The following ENTREP2 variants were observed in gnomAD, a reference collection of about 807,000 sequenced individuals.
ENTREP2 encodes the protein endosomal transmembrane epsin interactor 2, also known as protein ENTREP2.
At chr15:29,484,392 G>T in the ENTREP2 span, among the ~76,000 whole-genome samples, 5 of 152,148 alleles carry the variant, frequency 3.3e-5, no homozygotes, top group African/African-American at 1.2e-4. Context: ...GCTAGTTCTG[G>T]AGGGCCAGGA....
the ENTREP2 span, among the ~76,000 whole-genome samples, chr15:29,418,604 T>C: frequency 6.6e-6 from 1 of 152,146 alleles, no homozygotes; most frequent in Admixed American, 6.5e-5. Flanking sequence ...CGCTTCCAGG[T>C]CGGATGGAGT....
chr15:29,328,365 T>C, the ENTREP2 span, among the ~76,000 whole-genome samples: 1 of 152,192 alleles, frequency 6.6e-6, no homozygotes, highest in Admixed American at 6.5e-5. Context: ...TGACTATGCA[T>C]TTGTCAAAAC....
the ENTREP2 span, among the ~76,000 whole-genome samples, chr15:29,459,403 A>AG: frequency 6.6e-6 from 1 of 152,178 alleles, no homozygotes; most frequent in Admixed American, 6.5e-5. Flanking sequence ...CCCTGAGGAC[A>AG]GGCACTCTTC....
the ENTREP2 span, among the ~76,000 whole-genome samples, chr15:29,169,219 C>T: frequency 6.6e-6 from 1 of 152,108 alleles, no homozygotes; most frequent in African/African-American, 2.4e-5. Flanking sequence ...GAGCCTCTAG[C>T]TTTAAAACAA....
At chr15:29,119,056 C>A in the ENTREP2 span, among the ~76,000 whole-genome samples, 1 of 152,120 alleles carries the variant, frequency 6.6e-6, no homozygotes, top group South Asian at 2.1e-4. Context: ...CACCTAGCCG[C>A]CCAGAGGGTG....
the ENTREP2 span, among the ~76,000 whole-genome samples, chr15:29,153,345 C>T: frequency 6.6e-6 from 1 of 152,184 alleles, no homozygotes; most frequent in African/African-American, 2.4e-5. Context: ...TCACTTCTCA[C>T]AGTCCTGAAG....
chr15:29,443,170 A>G, the ENTREP2 span, among the ~76,000 whole-genome samples: 3 of 152,180 alleles, frequency 2.0e-5, no homozygotes, highest in Non-Finnish European at 4.4e-5. Flanking sequence ...TACATTTGTC[A>G]CCACTCCTGT....
At chr15:29,407,822 C>T in the ENTREP2 span, among the ~76,000 whole-genome samples, 1 of 151,070 alleles carries the variant, frequency 6.6e-6, no homozygotes, top group South Asian at 2.1e-4. Context: ...CCCACCAGCA[C>T]ACCCCACTAA....
the ENTREP2 span, among the ~76,000 whole-genome samples, chr15:29,432,593 G>A: frequency 2.1e-3 from 319 of 152,282 alleles, 2 homozygotes; most frequent in African/African-American, 7.3e-3. Flanking sequence ...AGGACCCTGG[G>A]TCCCCAGTGC....
chr15:29,377,168 T>C, the ENTREP2 span, among the ~76,000 whole-genome samples: 8 of 152,116 alleles, frequency 5.3e-5, no homozygotes, highest in Non-Finnish European at 1.2e-4. Flanking sequence ...GGAGCTTTTA[T>C]TTTAAAAATC....
At chr15:29,361,125 C>T in the ENTREP2 span, among the ~76,000 whole-genome samples, 5 of 152,220 alleles carry the variant, frequency 3.3e-5, no homozygotes, top group African/African-American at 7.2e-5. Flanking sequence ...CCCGCCCAAA[C>T]TCCACCCATC....
At chr15:29,400,818 TAGA>T in the ENTREP2 span, among the ~76,000 whole-genome samples, 3 of 152,234 alleles carry the variant, frequency 2.0e-5, no homozygotes, top group Non-Finnish European at 4.4e-5. Flanking sequence ...GCATCTGCAT[TAGA>T]AGAACAAGTC....
At chr15:29,405,013 T>C in the ENTREP2 span, among the ~76,000 whole-genome samples, 3 of 152,106 alleles carry the variant, frequency 2.0e-5, no homozygotes, top group African/African-American at 4.8e-5. Context: ...GGAGAGCTAC[T>C]GTAAGAGCCC....
the ENTREP2 span, among the ~76,000 whole-genome samples, chr15:29,209,272 T>G: frequency 6.6e-6 from 1 of 152,054 alleles, no homozygotes; most frequent in Non-Finnish European, 1.5e-5. Flanking sequence ...GAGGCCAAGG[T>G]GGGCAGACTG....
At chr15:29,312,334 C>CA in the ENTREP2 span, among the ~76,000 whole-genome samples, 9,147 of 143,480 alleles carry the variant, frequency 0.064, 339 homozygotes, top group African/African-American at 0.11. Context: ...AAACAAGCAC[C>CA]AAAAAAAAAA....
the ENTREP2 span, among the ~76,000 whole-genome samples, chr15:29,428,152 A>G: frequency 0.7 from 107,158 of 152,084 alleles, 37,909 homozygotes; most frequent in South Asian, 0.87. Flanking sequence ...AGCCAAGTCC[A>G]CTTTCCACAG....
At chr15:29,499,641 G>C in the ENTREP2 span, among the ~76,000 whole-genome samples, 1 of 151,812 alleles carries the variant, frequency 6.6e-6, no homozygotes, top group African/African-American at 2.4e-5. Context: ...CTCTCAAAGT[G>C]CTGAGATTAC....
the ENTREP2 span, among the ~76,000 whole-genome samples, chr15:29,321,085 G>C: frequency 6.6e-6 from 1 of 151,860 alleles, no homozygotes; most frequent in Non-Finnish European, 1.5e-5. Context: ...CCCCAAACCA[G>C]AGATCAAAGA....
chr15:29,423,631 CAAA>C, the ENTREP2 span, among the ~76,000 whole-genome samples: 947 of 139,390 alleles, frequency 6.8e-3, 18 homozygotes, highest in African/African-American at 0.023. Flanking sequence ...ACTAAAAATA[CAAA>C]AAAAAAAAAA....
Sources: gnomAD v4.1 joint callset for allele counts (sites outside exome capture counted in the v4.1 genomes callset) on GRCh38, gnomAD v4.1.1 for gene constraint, MANE v1.5 for transcripts, NCBI Gene and HGNC (gene_info 2026-07-23, HGNC 2026-07-21) for gene names.